Variants in STK3 observed in about 807,000 individuals in gnomAD.
STK3 encodes the protein serine/threonine kinase 3, also known as serine/threonine-protein kinase 3.
A neutral mutation model predicts 58.0 loss-of-function variants in STK3; 41 were observed. That is an observed-to-expected ratio of 0.71 (90% CI 0.55 to 0.92). STK3 has a LOEUF of 0.92. STK3 is among the 40% of genes least tolerant of loss of function. The pLI, the probability that STK3 is intolerant of heterozygous loss-of-function variation, is 0.00. For missense variants in STK3, 479 were observed against 602.7 expected, an observed-to-expected ratio of 0.79 and a Z score of 2.15; for synonymous variants, 170 against 191.0, an observed-to-expected ratio of 0.89 and a Z score of 0.91.
intron 1 of STK3, among the ~76,000 whole-genome samples, chr8:98,384,426 G>A (rs1033172175): frequency 6.6e-6 from 1 of 152,040 alleles, no homozygotes; most frequent in African/African-American, 2.4e-5. Flanking sequence ...TCGTTGATTT[G>A]TTTCTGCGTT....
intron 7 of STK3, chr8:98,595,588 CAA>C (rs1204532496): frequency 6.6e-6 from 1 of 152,128 alleles, no homozygotes; most frequent in Non-Finnish European, 1.5e-5. Context: ...ATTCTGGATA[CAA>C]AGTCTACTTA....
chr8:98,423,632 A>T (rs955602130), intron 3 of STK3, among the ~76,000 whole-genome samples: 6 of 152,218 alleles, frequency 3.9e-5, no homozygotes, highest in African/African-American at 1.4e-4. Flanking sequence ...GGATGGACAC[A>T]GGTGAACTGT....
At chr8:98,816,715 G>T (rs1205217980) in intron 1 of STK3, among the ~76,000 whole-genome samples, 1 of 152,034 alleles carries the variant, frequency 6.6e-6, no homozygotes, top group African/African-American at 2.4e-5. Flanking sequence ...TGTATTTTTA[G>T]TAGAGATGGG....
chr8:98,452,426 A>G (rs1299923066), downstream of STK3, among the ~76,000 whole-genome samples: 2 of 152,222 alleles, frequency 1.3e-5, no homozygotes, highest in East Asian at 3.8e-4. Flanking sequence ...ACATAAAACT[A>G]TTTCTGCTAA....
chr8:98,687,407 A>G (rs186794909), intron 6 of STK3, among the ~76,000 whole-genome samples: 75 of 152,320 alleles, frequency 4.9e-4, no homozygotes, highest in African/African-American at 1.4e-3. Flanking sequence ...AGAGAATCCA[A>G]TGTCAGTGCT....
chr8:98,411,145 T>C (rs1218313202), intron 3 of STK3, among the ~76,000 whole-genome samples: 1 of 152,116 alleles, frequency 6.6e-6, no homozygotes, highest in East Asian at 1.9e-4. Context: ...TCTTGCATAG[T>C]CAAAAGAAAT....
intron 2 of STK3, among the ~76,000 whole-genome samples, chr8:98,371,857 T>C (rs948870172): frequency 2.6e-5 from 4 of 152,174 alleles, no homozygotes; most frequent in Non-Finnish European, 5.9e-5. Context: ...ATGGCTTGAA[T>C]TGTCTCTCCC....
chr8:98,584,487 C>T (rs1235029605), intron 7 of STK3, among the ~76,000 whole-genome samples: 4 of 151,898 alleles, frequency 2.6e-5, no homozygotes. Flanking sequence ...TTTTCTTAAT[C>T]CAGTCTATCA....
intron 2 of STK3, among the ~76,000 whole-genome samples, chr8:98,770,720 T>C (rs1293064577): frequency 6.6e-6 from 1 of 152,224 alleles, no homozygotes; most frequent in African/African-American, 2.4e-5. Flanking sequence ...AAAGCTCTAT[T>C]AGTGCAGGGG....
intron 10 of STK3, among the ~76,000 whole-genome samples, chr8:98,488,038 A>T (rs1822408249): frequency 6.6e-6 from 1 of 152,242 alleles, no homozygotes; most frequent in African/African-American, 2.4e-5. Flanking sequence ...CTCTATACAC[A>T]TTAAGCTGGC....
At chr8:98,795,129 T>TATATACAC (rs1288218080) in intron 1 of STK3, among the ~76,000 whole-genome samples, 6 of 95,944 alleles carry the variant, frequency 6.3e-5, no homozygotes, top group African/African-American at 2.1e-4. Flanking sequence ...TATATATATA[T>TATATACAC]ACATACTAGT....
At position 98,426,133 on chromosome 8, in the gene STK3, C is replaced by A. The variant is rs73273955; in HGVS notation, n.483+7994G>T. Among the ~76,000 whole-genome samples, 1,118 of 152,256 alleles carry A rather than the reference C, an allele frequency of 7.3e-3. 16 individuals are homozygous for A. Among genetic ancestry groups the A allele is most frequent in the African/African-American group, 0.026 (1,070 of 41,538 alleles). On this transcript the variant is annotated intron_variant and non_coding_transcript_variant, in intron 3 of 3. Transcript: ENST00000517832. ...TACCAGTCCCCACTCCAGCTTGAAC[C>A]CCCCAGTCCCCACTGTCGGCAAGCA...
intron 8 of STK3, chr8:98,553,523 C>A (rs760251803): frequency 1.3e-5 from 2 of 152,084 alleles, no homozygotes; most frequent in Non-Finnish European, 2.9e-5. Flanking sequence ...GTAACATGTT[C>A]TTATTATAAA....
chr8:98,769,794 C>T (rs1831180679), intron 2 of STK3, among the ~76,000 whole-genome samples: 1 of 152,202 alleles, frequency 6.6e-6, no homozygotes, highest in Admixed American at 6.5e-5. Context: ...GGGCTGCTGC[C>T]TCTGCCTGCA....
the STK3 span, among the ~76,000 whole-genome samples, chr8:98,364,575 C>A: frequency 6.6e-6 from 1 of 152,246 alleles, no homozygotes; most frequent in South Asian, 2.1e-4. Context: ...TCTCCCTCTG[C>A]TCTTCCAAAC....
intron 6 of STK3, among the ~76,000 whole-genome samples, chr8:98,596,818 C>T (rs1390874980): frequency 6.6e-6 from 1 of 151,844 alleles, no homozygotes; most frequent in Non-Finnish European, 1.5e-5. Context: ...TCTCTCGCCT[C>T]CTAGATAGTC....
chr8:98,618,062 C>T (rs1817916294), intron 6 of STK3, among the ~76,000 whole-genome samples: 2 of 151,570 alleles, frequency 1.3e-5, no homozygotes. Context: ...CAAAAATCCT[C>T]AATAAAATAC....
the STK3 span, among the ~76,000 whole-genome samples, chr8:98,353,964 A>T: frequency 6.6e-6 from 1 of 152,146 alleles, no homozygotes; most frequent in South Asian, 2.1e-4. Flanking sequence ...ATTTTTTTAA[A>T]AAAAAGAACT....
In STK3 at chr8:98,472,018, G is replaced by A. The variant is rs564780131; in HGVS notation, c.1318-16018C>T. On this transcript the variant is annotated intron_variant, in intron 10 of 10. Transcript: ENST00000419617. ...AATATGTACATAATAGCTAACATGC[G>A]CTTACCACTGGCAGACACTATGCTG... Among the ~76,000 whole-genome samples, 13 of 152,190 alleles carry A rather than the reference G, an allele frequency of 8.5e-5. No individual in the cohort carries two copies. The South Asian group carries it at 2.5e-3, about 29-fold the overall frequency.
Sources: allele counts gnomAD v4.1 joint callset (sites outside exome capture counted in the v4.1 genomes callset), GRCh38; gene constraint gnomAD v4.1.1; transcripts MANE v1.5; gene names NCBI Gene and HGNC (gene_info 2026-07-23, HGNC 2026-07-21).